The following DNM1 variants were observed in gnomAD, a reference collection of about 807,000 sequenced individuals.
The protein encoded by DNM1 is dynamin 1.
DNM1 carries 29 observed loss-of-function variants against 104.6 expected under a neutral mutation model. The observed-to-expected ratio is 0.28, with a 90% CI of 0.21 to 0.38. The LOEUF (loss-of-function observed/expected upper bound fraction) is 0.38, where lower values mean the gene tolerates loss of function less well. Ranked by LOEUF, DNM1 falls within the 10% of genes least tolerant of loss-of-function variation. The pLI is 1.00. For missense variants in DNM1, 640 were observed against 1,189.4 expected (o/e 0.54, Z 6.79); for synonymous variants, 445 against 475.8 (o/e 0.94, Z 0.84).
chr9:128,229,458 A>G (rs1462247789), intron 10 of DNM1, among the ~76,000 whole-genome samples: 5 of 152,040 alleles, frequency 3.3e-5, no homozygotes, highest in Admixed American at 3.3e-4. Context: ...TTAGCTGGGC[A>G]TGATGGCACA....
chr9:128,252,890 G>A (rs1829613985), intron 21 of DNM1: 7 of 687,086 alleles, frequency 1.0e-5, no homozygotes, highest in Non-Finnish European at 1.6e-5. Context: ...ACGCGCCGCC[G>A]GCCAGTGAGG....
intron 11 of DNM1, among the ~76,000 whole-genome samples, chr9:128,235,628 G>A (rs1835963842): frequency 1.3e-5 from 2 of 152,114 alleles, no homozygotes; most frequent in Non-Finnish European, 2.9e-5. Context: ...GAAGATGAGT[G>A]TACAAATCCC....
At position 128,215,878 on chromosome 9, in the gene DNM1, GACCCCCGGCCCCCAC is replaced by G. The variant is rs1267012155; in HGVS notation, c.162-2348_162-2334del. Reference sequence around the variant, plus strand: ...TGAGGAGCTGGTGGAGAAGAGGGTGGACCCCCGGCCCCCACACCCACCCCAGCTTCTATGAGAACA... The same window carrying G: ...TGAGGAGCTGGTGGAGAAGAGGGTGGACCCACCCCAGCTTCTATGAGAACA... On this transcript the variant is annotated intron_variant, in intron 1 of 21. Transcript: ENST00000372923. Among the ~76,000 whole-genome samples the G allele has an allele frequency of 2.0e-5, 3 of 151,974 alleles. No individual in the cohort carries two copies. In the East Asian group the frequency reaches 5.8e-4, roughly 29 times the overall value.
Position 128,218,717 on chromosome 9 carries a change from T to C in DNM1, c.371T>C (p.Val124Ala). Residue 124 changes from valine (V) to alanine (A), a missense_variant, in exon 3 of 22, where the codon GTC becomes GCC. Coordinates refer to ENST00000372923, the MANE Select transcript of DNM1 (RefSeq NM_004408.4). This position sits in a 1 kb window ranked among gnomAD's most constrained non-coding sequence, Gnocchi z 4.8. ...GISPVPINLR[V>A]YSPHVLNLTL... ...TCGCCGGTGCCTATCAACCTCCGCGTCTACTCGCCGCACGGTGAGGACCCT... is the reference window on the plus strand; with the variant it reads ...TCGCCGGTGCCTATCAACCTCCGCGCCTACTCGCCGCACGGTGAGGACCCT... 1 of 1,603,254 alleles carries C rather than the reference T, an allele frequency of 6.2e-7. No homozygotes were observed. The highest frequency in any genetic ancestry group is 8.5e-7 in the Non-Finnish European group (1 of 1,172,062).
chr9:128,236,503 T>C (rs1410086599), intron 11 of DNM1, among the ~76,000 whole-genome samples: 1 of 152,276 alleles, frequency 6.6e-6, no homozygotes, highest in African/African-American at 2.4e-5. Flanking sequence ...TACAAGGAGA[T>C]AGCCCTCCAT....
intron 10 of DNM1, among the ~76,000 whole-genome samples, chr9:128,232,356 T>C (rs1835748819): frequency 1.3e-5 from 2 of 152,058 alleles, no homozygotes; most frequent in South Asian, 4.1e-4. Flanking sequence ...CTAGTCACCG[T>C]TTTTAAGCCC....
Position 128,239,465 on chromosome 9 carries a change from C to T in DNM1, c.1443C>T (p.Ile481=), listed in dbSNP as rs778321233. The change falls in exon 12 of 22, where the codon ATC becomes ATT. Residue 481 remains isoleucine (I), a synonymous_variant. Coordinates refer to ENST00000372923, the MANE Select transcript of DNM1 (RefSeq NM_004408.4). ...TKEQVMLLID[I]ELAYMNTNHE... ...TGAAGGTCATGCTTCTCATCGATATCGAGCTGGCTTACATGAACACCAACC... is the reference window on the plus strand; with the variant it reads ...TGAAGGTCATGCTTCTCATCGATATTGAGCTGGCTTACATGAACACCAACC... 26 of 1,613,766 alleles carry T rather than the reference C, an allele frequency of 1.6e-5. No individual in the cohort carries two copies. The Admixed American group carries it at 2.5e-4, about 16-fold the overall frequency.
chr9:128,242,196 C>A, intron 14 of DNM1, 36 bp from the exon 15 acceptor site: 1 of 1,228,668 alleles, frequency 8.1e-7, no homozygotes, highest in Non-Finnish European at 1.2e-6. Flanking sequence ...GAGGCTCAGG[C>A]CCTGTCCACT....
In DNM1 at chr9:128,218,388, A is replaced by C. The variant is rs938916999; in HGVS notation, c.235+84A>C. 5.9e-6 allele frequency: 9 copies of C among 1,529,330 alleles called. No individual in the cohort carries two copies. Among genetic ancestry groups the C allele is most frequent in the Non-Finnish European group, 8.2e-6 (9 of 1,103,308 alleles). 94.7% of individuals were successfully genotyped at this position (1,529,330 alleles called of 1,614,324 possible). ...CAAGCTGAGGGCCAGCCTGGCCACG[A>C]ACTTGCTTGCTGTGTGACTGTGGGC... On this transcript the variant is annotated intron_variant, in intron 2 of 21. Transcript: ENST00000372923. The surrounding 1 kb of genome is among the most constrained non-coding windows in gnomAD (Gnocchi z 4.8).
intron 1 of DNM1, among the ~76,000 whole-genome samples, chr9:128,216,725 C>T (rs1021046156): frequency 1.3e-5 from 2 of 152,184 alleles, no homozygotes; most frequent in African/African-American, 4.8e-5. Flanking sequence ...TACCTAAGAC[C>T]CTTAGCTCCT....
At chr9:128,219,902 A>C in intron 4 of DNM1, 86 bp from the exon 5 acceptor site, 8 of 1,076,738 alleles carry the variant, frequency 7.4e-6, no homozygotes, top group Non-Finnish European at 9.4e-6. Flanking sequence ...GGGGCCGAGG[A>C]GAGCAGGGGG....
intron 1 of DNM1, among the ~76,000 whole-genome samples, chr9:128,216,052 C>T (rs1281854572): frequency 1.3e-5 from 2 of 151,778 alleles, no homozygotes; most frequent in Non-Finnish European, 2.9e-5. Flanking sequence ...TCCCTCTGTG[C>T]CGCCTGGCAC....
At chr9:128,207,495 C>T (rs375386846) in intron 1 of DNM1, among the ~76,000 whole-genome samples, 8 of 149,630 alleles carry the variant, frequency 5.3e-5, no homozygotes, top group African/African-American at 1.7e-4. Flanking sequence ...CGCCCCGCTA[C>T]ACCCCCCACC....
intron 10 of DNM1, among the ~76,000 whole-genome samples, chr9:128,225,310 C>A (rs892160407): frequency 2.0e-5 from 3 of 152,192 alleles, no homozygotes; most frequent in African/African-American, 7.2e-5. Context: ...TCCACCAAAC[C>A]CCTGTGGAGG....
rs769127048 is a variant in DNM1 at position 128,220,897 on chromosome 9, C to CTTTCTTTCTT, written c.849+558_849+567dup. On this transcript the variant is annotated intron_variant, in intron 6 of 21. Transcript: ENST00000372923. This position sits in a 1 kb window ranked among gnomAD's most constrained non-coding sequence, Gnocchi z 5.2. Reference sequence around the variant, plus strand: ...TTTTCTTTATTTGTTTTCTTTCTTTCTTTCTTTCTTTCTTTCTTTCTTTCT... The same window carrying CTTTCTTTCTT: ...TTTTCTTTATTTGTTTTCTTTCTTTCTTTCTTTCTTTTTCTTTCTTTCTTTCTTTCTTTCT... 7.1e-5 allele frequency among the ~76,000 whole-genome samples: 8 copies of CTTTCTTTCTT among 112,024 alleles called. No homozygotes were observed. Among genetic ancestry groups the CTTTCTTTCTT allele is most frequent in the Non-Finnish European group, 1.8e-4 (8 of 45,486 alleles). 73.5% of individuals were successfully genotyped at this position (112,024 alleles called of 152,430 possible). A position where few individuals can be genotyped will look rare whatever the true frequency, so the allele number is the denominator to read the frequency against.
At chr9:128,210,709 A>C (rs10987931) in intron 1 of DNM1, among the ~76,000 whole-genome samples, 5 of 152,132 alleles carry the variant, frequency 3.3e-5, no homozygotes, top group Non-Finnish European at 7.4e-5. Context: ...CTAATGTCAC[A>C]CAGCAATTGA....
intron 10 of DNM1, among the ~76,000 whole-genome samples, chr9:128,230,678 C>T (rs1335095102): frequency 6.6e-6 from 1 of 152,090 alleles, no homozygotes; most frequent in Non-Finnish European, 1.5e-5. Flanking sequence ...TCTCGAACTC[C>T]TGACCTCAGG....
chr9:128,235,272 G>A (rs543661538), intron 11 of DNM1, among the ~76,000 whole-genome samples: 26 of 152,130 alleles, frequency 1.7e-4, no homozygotes, highest in African/African-American at 4.6e-4. Flanking sequence ...AAGGTGGGCG[G>A]ATCACGAGGT....
At chr9:128,225,223 C>A (rs1835268978) in intron 10 of DNM1, among the ~76,000 whole-genome samples, 3 of 152,210 alleles carry the variant, frequency 2.0e-5, no homozygotes, top group Admixed American at 2.0e-4. Context: ...CCTTTCCTCT[C>A]CCCACTGCTG....
Sources: gnomAD v4.1 joint callset for allele counts (sites outside exome capture counted in the v4.1 genomes callset) on GRCh38, gnomAD v4.1.1 for gene constraint, Gnocchi (gnomAD v3.1) non-coding constraint, MANE v1.5 for transcripts, NCBI Gene and HGNC (gene_info 2026-07-23, HGNC 2026-07-21) for gene names.